Variants in SDK1 observed in about 807,000 individuals in gnomAD.
SDK1 encodes the protein sidekick cell adhesion molecule 1, also known as protein sidekick-1.
In SDK1, 157 loss-of-function variants were observed where a neutral mutation model predicts 245.5. The ratio of observed to expected loss-of-function variants is 0.64; its 90% CI spans 0.56 to 0.73. SDK1 has a LOEUF of 0.73. Among genes scored for constraint, SDK1 ranks in the 30% least tolerant of loss-of-function variants. The probability of loss-of-function intolerance (pLI) is 0.00; values close to 1 mark genes in which losing one functional copy is unlikely to be tolerated. For synonymous variants in SDK1, 1,647 were observed against 1,278.5 expected (o/e 1.29, Z -6.15); for missense variants, 3,583 against 3,002.3 (o/e 1.19, Z -4.52).
At chr7:3,523,510 G>T (rs573038833) in intron 1 of SDK1, among the ~76,000 whole-genome samples, 1 of 152,086 alleles carries the variant, frequency 6.6e-6, no homozygotes, top group Non-Finnish European at 1.5e-5. Context: ...CCTGGTGAAC[G>T]GCTGCTAATC....
chr7:3,882,059 G>A (rs1035174731), intron 5 of SDK1, among the ~76,000 whole-genome samples: 3 of 152,160 alleles, frequency 2.0e-5, no homozygotes, highest in Non-Finnish European at 2.9e-5. Flanking sequence ...CAAAAGGCAC[G>A]TCTTACCTGG....
intron 1 of SDK1, among the ~76,000 whole-genome samples, chr7:3,467,089 C>T (rs1440925881): frequency 6.6e-6 from 1 of 150,606 alleles, no homozygotes; most frequent in Non-Finnish European, 1.5e-5. Flanking sequence ...TGGTAAAAGT[C>T]ATTATACCTG....
Position 3,527,332 on chromosome 7 carries a change from T to C in SDK1, c.299-91748T>C, listed in dbSNP as rs186061344. Among the ~76,000 whole-genome samples the C allele has an allele frequency of 3.7e-3, 571 of 152,284 alleles. 1 individual carries two copies. The highest frequency in any genetic ancestry group is 6.1e-3 in the Non-Finnish European group (418 of 68,022). On this transcript the variant is annotated intron_variant, in intron 1 of 44. Coordinates refer to ENST00000404826, the MANE Select transcript of SDK1 (RefSeq NM_152744.4). ...GATAGAGCTGCAGAGTGTTGAGTAC[T>C]GTGAAGAACACGAAGCGCGATGTGA...
At chr7:3,853,097 C>A (rs566329973) in intron 5 of SDK1, among the ~76,000 whole-genome samples, 4 of 151,916 alleles carry the variant, frequency 2.6e-5, no homozygotes, top group Admixed American at 1.3e-4. Context: ...TCTCCACGTA[C>A]GCAGGCTTCA....
chr7:3,484,655 C>T (rs1781621081), intron 1 of SDK1, among the ~76,000 whole-genome samples: 1 of 152,176 alleles, frequency 6.6e-6, no homozygotes, highest in South Asian at 2.1e-4. Context: ...TCGCCTCACA[C>T]TTTCCTCTCC....
intron 4 of SDK1, among the ~76,000 whole-genome samples, chr7:3,812,706 T>C (rs908513102): frequency 1.3e-5 from 2 of 152,198 alleles, no homozygotes; most frequent in African/African-American, 2.4e-5. Context: ...TTTTGGTCTT[T>C]CTCCTACTGC....
intron 4 of SDK1, among the ~76,000 whole-genome samples, chr7:3,765,905 C>T (rs1780239342): frequency 6.6e-6 from 1 of 152,132 alleles, no homozygotes; most frequent in Non-Finnish European, 1.5e-5. Context: ...TTCAGACTAC[C>T]TCCTTAGATC....
chr7:4,069,273 C>T (rs1450774300), intron 20 of SDK1, among the ~76,000 whole-genome samples: 1 of 152,076 alleles, frequency 6.6e-6, no homozygotes, highest in African/African-American at 2.4e-5. Flanking sequence ...ACTGCCTGGC[C>T]CAGAACAACT....
chr7:4,148,171 A>G (rs535472815), intron 29 of SDK1, among the ~76,000 whole-genome samples: 1 of 152,322 alleles, frequency 6.6e-6, no homozygotes, highest in East Asian at 1.9e-4. Context: ...AGGTGAAATC[A>G]CAAGGGCCAG....
intron 5 of SDK1, among the ~76,000 whole-genome samples, chr7:3,942,201 C>T (rs991604943): frequency 6.6e-6 from 1 of 152,150 alleles, no homozygotes; most frequent in African/African-American, 2.4e-5. Context: ...CCACTGCACC[C>T]GGCCAAGACT....
intron 25 of SDK1, among the ~76,000 whole-genome samples, chr7:4,121,484 T>G (rs1784062559): frequency 1.3e-5 from 2 of 152,368 alleles, no homozygotes; most frequent in South Asian, 4.1e-4. Context: ...CCTGCTGGCA[T>G]GTGAGGAAGT....
chr7:3,599,429 C>G (rs1403283142), intron 1 of SDK1, among the ~76,000 whole-genome samples: 1 of 152,170 alleles, frequency 6.6e-6, no homozygotes, highest in African/African-American at 2.4e-5. Flanking sequence ...TCTGTCTTCT[C>G]ATCTCTCCGT....
At chr7:3,731,134 C>T (rs1386630866) in intron 4 of SDK1, among the ~76,000 whole-genome samples, 1 of 152,198 alleles carries the variant, frequency 6.6e-6, no homozygotes, top group Non-Finnish European at 1.5e-5. Flanking sequence ...TGCACTCACT[C>T]ATGCATCCAT....
rs142165229 is a variant in SDK1, at chr7:3,555,297, C to G, written c.299-63783C>G. 5.9e-3 allele frequency among the ~76,000 whole-genome samples: 900 copies of G among 152,228 alleles called. 8 individuals are homozygous for G. The highest frequency in any genetic ancestry group is 0.02 in the African/African-American group (827 of 41,548). ...AATCTATACACCTACAGTGAACTCA[C>G]TTTTGACAAAGGTGCCAAGAATATA... is the stretch of plus-strand genomic sequence containing the variant. On this transcript the variant is annotated intron_variant, in intron 1 of 44. Coordinates refer to ENST00000404826, the MANE Select transcript of SDK1 (RefSeq NM_152744.4).
intron 1 of SDK1, among the ~76,000 whole-genome samples, chr7:3,578,950 A>G (rs1285710648): frequency 1.3e-5 from 2 of 151,970 alleles, no homozygotes; most frequent in African/African-American, 2.4e-5. Flanking sequence ...GGATTAAGAG[A>G]TTAAAGTAAG....
chr7:3,688,101 G>C (rs1440204234), intron 4 of SDK1, among the ~76,000 whole-genome samples: 4 of 152,234 alleles, frequency 2.6e-5, no homozygotes, highest in African/African-American at 7.2e-5. Flanking sequence ...GAGACAATCA[G>C]TGCTCAGTGT....
At chr7:3,551,775 G>A (rs186693744) in intron 1 of SDK1, among the ~76,000 whole-genome samples, 2 of 151,728 alleles carry the variant, frequency 1.3e-5, no homozygotes, top group African/African-American at 4.8e-5. Flanking sequence ...TCGTGGGTTC[G>A]AGCAGTGTTT....
intron 14 of SDK1, 77 bp downstream of exon 14, chr7:3,987,399 C>T: frequency 1.3e-6 from 2 of 1,486,410 alleles, no homozygotes; most frequent in East Asian, 2.3e-5. Flanking sequence ...TTAACCTTTA[C>T]TTCTGGGTCA....
rs570042748 is a variant in SDK1, at chr7:3,771,220, C to T, written c.714-50230C>T. ...CAGCAAGCCCACCTGGGCTTGTGCA[C>T]ATGATGGTTGCAGGGATCCAGGATA... On this transcript the variant is annotated intron_variant, in intron 4 of 44. Transcript: ENST00000404826. 2.0e-5 allele frequency among the ~76,000 whole-genome samples: 3 copies of T among 152,166 alleles called. No homozygotes were observed. The South Asian group carries it at 6.2e-4, about 32-fold the overall frequency.
Sources: gnomAD v4.1 joint callset for allele counts (sites outside exome capture counted in the v4.1 genomes callset) on GRCh38, gnomAD v4.1.1 for gene constraint, MANE v1.5 for transcripts, NCBI Gene and HGNC (gene_info 2026-07-23, HGNC 2026-07-21) for gene names.